The following CSMD1 variants were observed in gnomAD, a reference collection of about 807,000 sequenced individuals.
CSMD1 encodes the protein CUB and Sushi multiple domains 1.
CSMD1 carries 213 observed loss-of-function variants against 417.5 expected under a neutral mutation model. The ratio of observed to expected loss-of-function variants is 0.51; its 90% CI spans 0.46 to 0.57. The LOEUF (loss-of-function observed/expected upper bound fraction) is 0.57. Ranked by LOEUF, CSMD1 falls within the 20% of genes least tolerant of loss-of-function variation. The pLI, the probability that CSMD1 is intolerant of heterozygous loss-of-function variation, is 0.00. For synonymous variants in CSMD1, 2,862 were observed against 1,736.8 expected, an observed-to-expected ratio of 1.65 and a Z score of -16.11; for missense variants, 6,923 against 4,529.7, an observed-to-expected ratio of 1.53 and a Z score of -15.17.
intron 3 of CSMD1, among the ~76,000 whole-genome samples, chr8:4,263,214 A>G (rs564537236): frequency 2.6e-5 from 4 of 152,212 alleles, no homozygotes; most frequent in South Asian, 4.1e-4. Context: ...TTCGAGGGCT[A>G]AAGGCTAGGC....
At chr8:3,531,308 G>C (rs952900947) in intron 10 of CSMD1, among the ~76,000 whole-genome samples, 2 of 152,116 alleles carry the variant, frequency 1.3e-5, no homozygotes, top group Admixed American at 6.5e-5. Flanking sequence ...GTGAGTACTA[G>C]TAATCAAAAC....
At chr8:3,890,974 G>A (rs1294155079) in intron 5 of CSMD1, among the ~76,000 whole-genome samples, 5 of 152,062 alleles carry the variant, frequency 3.3e-5, no homozygotes, top group African/African-American at 1.2e-4. Flanking sequence ...CCTGTGAAAT[G>A]GATGTTATGG....
chr8:3,472,883 T>C (rs60111573), intron 11 of CSMD1, among the ~76,000 whole-genome samples: 24,705 of 151,982 alleles, frequency 0.16, 2,789 homozygotes, highest in East Asian at 0.45. Context: ...TAGAAGTAAC[T>C]GTTGGGGGAG....
At chr8:4,681,489 G>A (rs984057602) in intron 1 of CSMD1, among the ~76,000 whole-genome samples, 9 of 152,156 alleles carry the variant, frequency 5.9e-5, no homozygotes, top group Non-Finnish European at 8.8e-5. Context: ...GAGCACAAAT[G>A]ATGTCTCAAT....
intron 7 of CSMD1, among the ~76,000 whole-genome samples, chr8:3,671,560 C>CATATATAT (rs752837903): frequency 3.1e-4 from 2 of 6,542 alleles, no homozygotes; most frequent in Non-Finnish European, 6.8e-4. Flanking sequence ...TATATATGAT[C>CATATATAT]ATATATATAT....
chr8:3,797,472 A>G (rs1421138586), intron 5 of CSMD1, among the ~76,000 whole-genome samples: 1 of 151,876 alleles, frequency 6.6e-6, no homozygotes, highest in Non-Finnish European at 1.5e-5. Flanking sequence ...TGGTTTTATT[A>G]CCATAAATTC....
intron 2 of CSMD1, among the ~76,000 whole-genome samples, chr8:4,591,243 C>T (rs938308801): frequency 6.6e-6 from 1 of 152,192 alleles, no homozygotes; most frequent in African/African-American, 2.4e-5. Flanking sequence ...ATATGAAGAA[C>T]TCACAAACAC....
chr8:4,652,470 GA>G (rs1803956214), intron 1 of CSMD1, among the ~76,000 whole-genome samples: 1 of 152,002 alleles, frequency 6.6e-6, no homozygotes, highest in Non-Finnish European at 1.5e-5. Flanking sequence ...CAGCCTACCA[GA>G]AAGAACCACT....
At chr8:3,322,446 T>C (rs1261161429) in intron 23 of CSMD1, among the ~76,000 whole-genome samples, 3 of 152,216 alleles carry the variant, frequency 2.0e-5, no homozygotes, top group Admixed American at 1.3e-4. Context: ...TTCTTCCAAA[T>C]AGGCCTATTT....
chr8:3,919,058 A>T lies in CSMD1; in HGVS notation c.818+78845T>A, dbSNP rs1007814904. On this transcript the variant is annotated intron_variant, in intron 5 of 69. Transcript: ENST00000635120. The stretch of plus-strand genomic sequence containing the variant: ...TTTTAAAAAATATGTGGTTGTAAAA[A>T]TTTTCTCCCATTCCATAGGGTGATT... Among the ~76,000 whole-genome samples, 3 of 151,568 alleles carry T rather than the reference A, an allele frequency of 2.0e-5. No homozygotes were observed. In the East Asian group the frequency reaches 5.8e-4, roughly 30 times the overall value.
rs796916789 is a variant in CSMD1 at position 3,694,093 on chromosome 8, G to C, written c.1009+14321C>G. On this transcript the variant is annotated intron_variant, in intron 7 of 69. Transcript: ENST00000635120. ...TGTGTGTGTTGGAGTGTTATGTGTT[G>C]TGTGTGTTTTGGGTATAGGTGTGTT... 4.6e-5 allele frequency among the ~76,000 whole-genome samples: 7 copies of C among 151,716 alleles called. No homozygotes were observed. In the South Asian group the frequency reaches 1.2e-3, roughly 27 times the overall value.
intron 3 of CSMD1, among the ~76,000 whole-genome samples, chr8:4,273,084 G>A (rs994452476): frequency 2.0e-5 from 3 of 152,014 alleles, no homozygotes; most frequent in Non-Finnish European, 4.4e-5. Flanking sequence ...TGAGGAAGAA[G>A]TATAAAAAAT....
chr8:4,236,039 GTTTTTTTTTTTTTTTT>G (rs869245155), intron 3 of CSMD1, among the ~76,000 whole-genome samples: 6 of 31,714 alleles, frequency 1.9e-4, no homozygotes, highest in African/African-American at 4.1e-4. Flanking sequence ...TTTTTTGTTT[GTTTTTTTTTTTTTTTT>G]TTTTTTTTTT....
At chr8:4,152,406 C>T (rs1196242112) in intron 3 of CSMD1, among the ~76,000 whole-genome samples, 1 of 151,982 alleles carries the variant, frequency 6.6e-6, no homozygotes, top group African/African-American at 2.4e-5. Context: ...AGGCCAGGCA[C>T]AGTGGCTCAC....
At chr8:3,868,179 A>T (rs1472030397) in intron 5 of CSMD1, among the ~76,000 whole-genome samples, 2 of 151,862 alleles carry the variant, frequency 1.3e-5, no homozygotes, top group South Asian at 2.1e-4. Flanking sequence ...CTGAACCAAC[A>T]CCTGGTGCAG....
intron 5 of CSMD1, among the ~76,000 whole-genome samples, chr8:3,975,598 G>T (rs1023294915): frequency 2.6e-5 from 4 of 152,098 alleles, no homozygotes; most frequent in Admixed American, 2.0e-4. Flanking sequence ...ACCTCGTGTG[G>T]ATTAGAAAAA....
At chr8:3,913,214 T>C (rs1808578844) in intron 5 of CSMD1, among the ~76,000 whole-genome samples, 1 of 152,094 alleles carries the variant, frequency 6.6e-6, no homozygotes, top group Admixed American at 6.5e-5. Context: ...TCAGAACAGA[T>C]ATCAGGGTTG....
At chr8:3,598,624 T>C (rs548126064) in intron 8 of CSMD1, among the ~76,000 whole-genome samples, 1 of 152,252 alleles carries the variant, frequency 6.6e-6, no homozygotes, top group African/African-American at 2.4e-5. Flanking sequence ...AAGAGCTCAG[T>C]ACAGTTCCTG....
At chr8:4,652,301 G>A (rs1038773454) in intron 1 of CSMD1, among the ~76,000 whole-genome samples, 1 of 152,184 alleles carries the variant, frequency 6.6e-6, no homozygotes, top group Admixed American at 6.5e-5. Flanking sequence ...TAACTGTGAA[G>A]AGACATTTGA....
Sources: allele counts gnomAD v4.1 joint callset (sites outside exome capture counted in the v4.1 genomes callset), GRCh38; gene constraint gnomAD v4.1.1; transcripts MANE v1.5; gene names NCBI Gene and HGNC (gene_info 2026-07-23, HGNC 2026-07-21).